The following CCDC122 variants were observed in gnomAD, a reference collection of about 807,000 sequenced individuals.
CCDC122 encodes coiled-coil domain-containing protein 122.
In CCDC122, 38 loss-of-function variants were observed where a neutral mutation model predicts 37.0. The ratio of observed to expected loss-of-function variants is 1.03; its 90% CI spans 0.79 to 1.35. The LOEUF (loss-of-function observed/expected upper bound fraction) is 1.35. Among genes scored for constraint, CCDC122 ranks in the 40% most tolerant of loss-of-function variants. The probability of loss-of-function intolerance (pLI) is 0.00; values close to 1 mark genes in which losing one functional copy is unlikely to be tolerated. For synonymous variants in CCDC122, 83 were observed against 95.6 expected (o/e 0.87, Z 0.77); for missense variants, 305 against 310.0 (o/e 0.98, Z 0.12).
rs200825913 is a variant in CCDC122 at position 43,837,548 on chromosome 13, ATAAT to A, written c.673-123_673-120del. 1,701 of 757,644 alleles carry A rather than the reference ATAAT, an allele frequency of 2.2e-3. 24 individuals are homozygous for A. The African/African-American group carries it at 0.027, about 12-fold the overall frequency. The allele number at this position is 757,644 out of a possible 1,614,324, so 46.9% of individuals were successfully genotyped here. On this transcript the variant is annotated intron_variant, in intron 6 of 6. Coordinates refer to ENST00000444614, the MANE Select transcript of CCDC122 (RefSeq NM_144974.5). ...CTTAATTAGAAACTATCCACTATAA[ATAAT>A]TATGATAAAAATAAACAGTAATTGT...
chr13:43,877,582 G>A (rs1409959917), intron 1 of CCDC122: 1 of 152,130 alleles, frequency 6.6e-6, no homozygotes, highest in Non-Finnish European at 1.5e-5. Flanking sequence ...TGCTTGATGA[G>A]GGATGGGGAT....
Position 43,853,146 on chromosome 13 carries a change from T to C in CCDC122, c.672+5635A>G, listed in dbSNP as rs185615336. Among the ~76,000 whole-genome samples, 1,263 of 152,184 alleles carry C rather than the reference T, an allele frequency of 8.3e-3. 12 individuals carry two copies. Among genetic ancestry groups the C allele is most frequent in the African/African-American group, 0.027 (1,123 of 41,508 alleles). On this transcript the variant is annotated intron_variant, in intron 6 of 6. Coordinates refer to ENST00000444614, the MANE Select transcript of CCDC122 (RefSeq NM_144974.5). ...AAATCTACACATATCAATACTAACC[T>C]TGAATGTAAATGGGCTAAATGCCCC...
intron 6 of CCDC122, among the ~76,000 whole-genome samples, chr13:43,852,392 G>A (rs9533656): frequency 0.083 from 12,565 of 151,848 alleles, 595 homozygotes; most frequent in African/African-American, 0.1. Flanking sequence ...CTCAGAGATC[G>A]AAGACTGGCT....
At chr13:43,843,587 G>T (rs1453051381) in intron 6 of CCDC122, among the ~76,000 whole-genome samples, 1 of 151,862 alleles carries the variant, frequency 6.6e-6, no homozygotes, top group African/African-American at 2.4e-5. Context: ...AAAATGAGTT[G>T]GGAGGAGTTT....
chr13:43,856,839 TC>T (rs1276559418), intron 6 of CCDC122, among the ~76,000 whole-genome samples: 2 of 152,154 alleles, frequency 1.3e-5, no homozygotes, highest in Non-Finnish European at 2.9e-5. Context: ...TATATCTTGA[TC>T]TAGGTAATGC....
chr13:43,863,695 G>C (rs1293922915), intron 4 of CCDC122, among the ~76,000 whole-genome samples: 3 of 151,942 alleles, frequency 2.0e-5, no homozygotes, highest in African/African-American at 7.3e-5. Context: ...GTGTGTGTGT[G>C]TGTGTGTGCC....
At chr13:43,852,497 A>G (rs1953773017) in intron 6 of CCDC122, among the ~76,000 whole-genome samples, 1 of 152,130 alleles carries the variant, frequency 6.6e-6, no homozygotes, top group Non-Finnish European at 1.5e-5. Flanking sequence ...TAAAGAGATC[A>G]AGTCTATGAC....
At chr13:43,839,404 G>A (rs1953271211) in intron 6 of CCDC122, among the ~76,000 whole-genome samples, 1 of 152,096 alleles carries the variant, frequency 6.6e-6, no homozygotes, top group African/African-American at 2.4e-5. Context: ...AGGGTCTATG[G>A]CATACCATGT....
At chr13:43,820,590 G>A (rs183117312), downstream of CCDC122, among the ~76,000 whole-genome samples, 18 of 152,230 alleles carry the variant, frequency 1.2e-4, no homozygotes, top group African/African-American at 3.9e-4. Flanking sequence ...TTTGAAAAGG[G>A]AATCTGGCTT....
intron 4 of CCDC122, among the ~76,000 whole-genome samples, chr13:43,864,262 G>A (rs1376106494): frequency 6.6e-6 from 1 of 152,206 alleles, no homozygotes; most frequent in Non-Finnish European, 1.5e-5. Context: ...ATCAGGTAGT[G>A]TGGTAACATG....
intron 1 of CCDC122, among the ~76,000 whole-genome samples, chr13:43,878,899 A>T: frequency 6.6e-6 from 1 of 152,094 alleles, no homozygotes; most frequent in East Asian, 1.9e-4. Flanking sequence ...ATTGGAGGAG[A>T]GACAACAGCT....
intron 2 of CCDC122, among the ~76,000 whole-genome samples, chr13:43,871,321 G>T (rs1954445328): frequency 6.6e-6 from 1 of 152,020 alleles, no homozygotes. Flanking sequence ...GACACAATTT[G>T]CATGCCTGAA....
intron 3 of CCDC122, among the ~76,000 whole-genome samples, chr13:43,827,089 AT>A (rs1240473615): frequency 2.6e-5 from 4 of 152,146 alleles, no homozygotes; most frequent in African/African-American, 9.7e-5. Flanking sequence ...ACTTTACATA[AT>A]TTTTCAACAT....
chr13:43,873,341 A>G (rs570848758), intron 2 of CCDC122, among the ~76,000 whole-genome samples: 5 of 152,272 alleles, frequency 3.3e-5, no homozygotes, highest in South Asian at 4.1e-4. Context: ...TCAACTCAAT[A>G]TATCACAAAC....
intron 6 of CCDC122, chr13:43,854,725 AC>A (rs1159488487): frequency 2.6e-5 from 4 of 152,174 alleles, no homozygotes; most frequent in African/African-American, 9.7e-5. Context: ...AAAATCCCCA[AC>A]AAAATACTGT....
chr13:43,845,314 A>G (rs762730481), intron 6 of CCDC122, among the ~76,000 whole-genome samples: 1 of 152,220 alleles, frequency 6.6e-6, no homozygotes, highest in Admixed American at 6.5e-5. Context: ...CTTTGATTTT[A>G]AAGTGTCAAA....
At chr13:43,877,454 A>C (rs1020817759) in intron 1 of CCDC122, among the ~76,000 whole-genome samples, 2 of 152,218 alleles carry the variant, frequency 1.3e-5, no homozygotes, top group African/African-American at 4.8e-5. Context: ...GTACATCCTT[A>C]TAAAGTGTAC....
chr13:43,859,551 C>A, intron 5 of CCDC122, 121 bp downstream of exon 5: 30 of 704,822 alleles, frequency 4.3e-5, no homozygotes, highest in Admixed American at 4.0e-5. Context: ...AAAATAGTTT[C>A]TGAAGGTAAT....
intron 6 of CCDC122, chr13:43,854,561 G>A (rs573610977): frequency 1.4e-4 from 21 of 152,262 alleles, no homozygotes; most frequent in Admixed American, 3.3e-4. Context: ...AGAAGAGCTG[G>A]TACCATTCCT....
Sources: gnomAD v4.1 joint callset for allele counts (sites outside exome capture counted in the v4.1 genomes callset) on GRCh38, gnomAD v4.1.1 for gene constraint, MANE v1.5 for transcripts, NCBI Gene and HGNC (gene_info 2026-07-23, HGNC 2026-07-21) for gene names.